CGRRF1: variants seen among roughly 807,000 people sequenced by gnomAD.
The protein encoded by CGRRF1 is cell growth regulator with ring finger domain 1.
In CGRRF1, 32 loss-of-function variants were observed where a neutral mutation model predicts 37.2. The observed-to-expected ratio is 0.86, with a 90% CI of 0.65 to 1.16. CGRRF1 has a LOEUF of 1.16. CGRRF1 is among the 50% of genes most tolerant of loss of function. The pLI is 0.00. For missense variants in CGRRF1, 391 were observed against 382.6 expected, an observed-to-expected ratio of 1.02 and a Z score of -0.18; for synonymous variants, 141 against 140.3, an observed-to-expected ratio of 1.00 and a Z score of -0.04.
chr14:54,520,672 G>T (rs1386111434), intron 1 of CGRRF1, among the ~76,000 whole-genome samples: 3 of 152,166 alleles, frequency 2.0e-5, no homozygotes, highest in Non-Finnish European at 2.9e-5. Context: ...ATTCTTTTGT[G>T]TAAGGCTTCT....
At position 54,538,351 on chromosome 14, in the gene CGRRF1, G is replaced by T; in HGVS notation, c.967G>T (p.Glu323Ter). ...QESFALCSQK[E>*]QDKDKPKTL Reference sequence around the variant, plus strand: ...ATCTTTTGCACTTTGCAGTCAAAAAGAGCAAGATAAAGACAAACCGAAGAC... The same window carrying T: ...ATCTTTTGCACTTTGCAGTCAAAAATAGCAAGATAAAGACAAACCGAAGAC... Residue 323 changes from glutamate to a stop codon, truncating the protein, a stop_gained, in exon 6 of 6, where the codon GAG becomes TAG. Coordinates refer to ENST00000216420, the MANE Select transcript of CGRRF1 (RefSeq NM_006568.3). LOFTEE classifies it high-confidence loss of function. The T allele has an allele frequency of 3.1e-6, 5 of 1,612,262 alleles. No homozygotes were observed. Among genetic ancestry groups the T allele is most frequent in the Non-Finnish European group, 3.4e-6 (4 of 1,178,414 alleles).
Position 54,537,823 on chromosome 14 carries a change from T to A in CGRRF1, c.672T>A (p.Asp224Glu). The A allele has an allele frequency of 6.2e-7, 1 of 1,602,264 alleles. No individual in the cohort carries two copies. Among genetic ancestry groups the A allele is most frequent in the Non-Finnish European group, 8.5e-7 (1 of 1,177,288 alleles). ...YLLLAQGQFH[D>E]LKQLFMSANN... ...TCTTGGCTCAAGGTCAATTTCATGA[T>A]CTTAAGGTAAGCCGTACTCTGTAGT... The change falls in exon 5 of 6, where the codon GAT becomes GAA. Residue 224 changes from aspartate to glutamate, a missense_variant. By Grantham distance (45) the Asp-to-Glu change is conservative. Transcript: ENST00000216420.
chr14:54,527,035 G>T (rs1287854982), intron 2 of CGRRF1, among the ~76,000 whole-genome samples: 2 of 152,030 alleles, frequency 1.3e-5, no homozygotes, highest in Non-Finnish European at 2.9e-5. Flanking sequence ...TTATTTGCTT[G>T]TTATAGATAG....
intron 4 of CGRRF1, among the ~76,000 whole-genome samples, chr14:54,534,359 G>A (rs1252225672): frequency 2.0e-5 from 3 of 152,026 alleles, no homozygotes; most frequent in Admixed American, 6.6e-5. Context: ...TCCTGACCTC[G>A]TGATCGACCC....
intron 2 of CGRRF1, among the ~76,000 whole-genome samples, chr14:54,524,106 G>A (rs1321774326): frequency 6.6e-6 from 1 of 152,088 alleles, no homozygotes; most frequent in East Asian, 1.9e-4. Context: ...GGCTTTCTCT[G>A]AGGTCACTAA....
chr14:54,509,979 T>A lies in CGRRF1; in HGVS notation c.20T>A (p.Val7Glu). 6.2e-7 allele frequency: 1 copy of A among 1,613,670 alleles called. No individual in the cohort carries two copies. The highest frequency in any genetic ancestry group is 8.5e-7 in the Non-Finnish European group (1 of 1,179,582). Residue 7 changes from valine (V) to glutamate (E), a missense_variant, in exon 1 of 6, where the codon GTA becomes GAA. Val to Glu is a moderately radical substitution (Grantham distance 121). Coordinates refer to ENST00000216420, the MANE Select transcript of CGRRF1 (RefSeq NM_006568.3). ...ACCCTGATGGCTGCGGTGTTTCTGG[T>A]AACGCTTTATGAATACTCGCCGCTT... The part of the protein sequence containing the change: MAAVFL[V>E]TLYEYSPLFY...
At position 54,510,013 on chromosome 14, in the gene CGRRF1, C is replaced by T. The variant is rs2032102581; in HGVS notation, c.54C>T (p.Ile18=). 17 of 1,613,924 alleles carry T rather than the reference C, an allele frequency of 1.1e-5. No homozygotes were observed. Among genetic ancestry groups the T allele is most frequent in the Non-Finnish European group, 1.4e-5 (16 of 1,179,804 alleles). The part of the protein sequence containing the change: ...TLYEYSPLFY[I]AVVFTCFIVT... The stretch of plus-strand genomic sequence containing the variant: ...ATGAATACTCGCCGCTTTTCTACAT[C>T]GCGGTGGTCTTTACCTGCTTCATCG... The change falls in exon 1 of 6, where the codon ATC becomes ATT. Residue 18 remains isoleucine (I), a synonymous_variant. Transcript: ENST00000216420.
At position 54,539,232 on chromosome 14, in the gene CGRRF1, A is replaced by G. The variant is rs1369105321; in HGVS notation, c.*849A>G. 6.6e-6 allele frequency: 1 copy of G among 152,164 alleles called. No individual in the cohort carries two copies. The highest frequency in any genetic ancestry group is 2.4e-5 in the African/African-American group (1 of 41,428). The allele number at this position is 152,164 out of a possible 1,614,324, so 9.4% of individuals were successfully genotyped here. ...AGAAAAATCACTAAAAGAAACAAAT[A>G]ACTATTTTTTTCTAGTGTATTTTTA... is the stretch of plus-strand genomic sequence containing the variant. On this transcript the variant is annotated 3_prime_UTR_variant, in exon 6 of 6. Coordinates refer to ENST00000216420, the MANE Select transcript of CGRRF1 (RefSeq NM_006568.3).
chr14:54,521,342 T>G (rs184792930), intron 1 of CGRRF1, among the ~76,000 whole-genome samples: 1 of 151,548 alleles, frequency 6.6e-6, no homozygotes, highest in African/African-American at 2.4e-5. Flanking sequence ...ATGCCTGTAA[T>G]CTCAGCTACT....
Position 54,538,440 on chromosome 14 carries a change from T to G in CGRRF1, c.*57T>G. ...ACTAAAGATGCAGAAATTGATGATCTTGGAATTCATCATAACATGGAATCT... is the reference window on the plus strand; with the variant it reads ...ACTAAAGATGCAGAAATTGATGATCGTGGAATTCATCATAACATGGAATCT... On this transcript the variant is annotated 3_prime_UTR_variant, in exon 6 of 6. Coordinates refer to ENST00000216420, the MANE Select transcript of CGRRF1 (RefSeq NM_006568.3). 7.9e-7 allele frequency: 1 copy of G among 1,272,360 alleles called. No individual in the cohort carries two copies. The highest frequency in any genetic ancestry group is 2.1e-5 in the Admixed American group (1 of 48,280). 78.8% of individuals were successfully genotyped at this position (1,272,360 alleles called of 1,614,324 possible).
chr14:54,516,688 G>T (rs1314524313), intron 1 of CGRRF1, among the ~76,000 whole-genome samples: 1 of 152,110 alleles, frequency 6.6e-6, no homozygotes, highest in African/African-American at 2.4e-5. Flanking sequence ...TCTTGGGTCT[G>T]TAGGTTTTTA....
At chr14:54,534,963 C>A (rs1433977168) in intron 4 of CGRRF1, among the ~76,000 whole-genome samples, 6 of 152,172 alleles carry the variant, frequency 3.9e-5, no homozygotes, top group African/African-American at 1.2e-4. Context: ...AAGCAGTACT[C>A]CCACTGTGAT....
chr14:54,512,817 C>T lies in CGRRF1; in HGVS notation c.104+2754C>T, dbSNP rs141095215. Among the ~76,000 whole-genome samples, 214 of 152,338 alleles carry T rather than the reference C, an allele frequency of 1.4e-3. 1 individual carries two copies. The highest frequency in any genetic ancestry group is 5.0e-3 in the African/African-American group (209 of 41,576). On this transcript the variant is annotated intron_variant, in intron 1 of 5. Transcript: ENST00000216420. ...TTCCTTAAAGATACCAGTATCCTTT[C>T]CTCAGATCTGAGTCCTGAGCTCCAT...
intron 2 of CGRRF1, among the ~76,000 whole-genome samples, chr14:54,526,740 A>T (rs1169681052): frequency 6.6e-6 from 1 of 152,220 alleles, no homozygotes; most frequent in East Asian, 1.9e-4. Context: ...AAGAGCTAAC[A>T]TTAAAGCAAA....
intron 4 of CGRRF1, among the ~76,000 whole-genome samples, chr14:54,533,204 G>C (rs1005885444): frequency 6.6e-6 from 1 of 151,362 alleles, no homozygotes; most frequent in South Asian, 2.1e-4. Flanking sequence ...AACCATTTTT[G>C]TGTGTGTGTT....
chr14:54,536,144 C>G (rs1484087865), intron 4 of CGRRF1: 1 of 152,022 alleles, frequency 6.6e-6, no homozygotes, highest in Non-Finnish European at 1.5e-5. Flanking sequence ...TCTCTTTTTT[C>G]TTACACAAAA....
At chr14:54,533,107 C>A (rs1461590153) in intron 4 of CGRRF1, among the ~76,000 whole-genome samples, 1 of 147,638 alleles carries the variant, frequency 6.8e-6, no homozygotes, top group African/African-American at 2.5e-5. Flanking sequence ...TTTTTTTTTT[C>A]TAACTTTCTT....
chr14:54,512,865 A>G (rs1465332019), intron 1 of CGRRF1, among the ~76,000 whole-genome samples: 1 of 152,170 alleles, frequency 6.6e-6, no homozygotes, highest in African/African-American at 2.4e-5. Flanking sequence ...CCACATTTCT[A>G]AACTATAGTA....
At chr14:54,529,128 A>G (rs1172445728) in intron 2 of CGRRF1, among the ~76,000 whole-genome samples, 1 of 152,206 alleles carries the variant, frequency 6.6e-6, no homozygotes, top group Admixed American at 6.5e-5. Flanking sequence ...GCCAGGAACA[A>G]TGACCAAAAC....
Sources: gnomAD v4.1 joint callset for allele counts (sites outside exome capture counted in the v4.1 genomes callset) on GRCh38, gnomAD v4.1.1 for gene constraint, MANE v1.5 for transcripts, NCBI Gene and HGNC (gene_info 2026-07-23, HGNC 2026-07-21) for gene names.